The following CHAF1B variants were observed in gnomAD, a reference collection of about 807,000 sequenced individuals.
The protein encoded by CHAF1B is CAF-1 subunit B.
CHAF1B carries 10 observed loss-of-function variants against 60.7 expected under a neutral mutation model. That is an observed-to-expected ratio of 0.16 (90% CI 0.10 to 0.28). The LOEUF (loss-of-function observed/expected upper bound fraction) is 0.28, where lower values mean the gene tolerates loss of function less well. Ranked by LOEUF, CHAF1B falls within the 10% of genes least tolerant of loss-of-function variation. The pLI is 1.00. For synonymous variants in CHAF1B, 261 were observed against 266.1 expected (o/e 0.98, Z 0.19); for missense variants, 558 against 708.4 (o/e 0.79, Z 2.41).
chr21:36,399,905 G>A (rs899383800), intron 7 of CHAF1B, among the ~76,000 whole-genome samples: 1 of 152,198 alleles, frequency 6.6e-6, no homozygotes, highest in Admixed American at 6.6e-5. Flanking sequence ...CTGGCCGGGC[G>A]CCGTGGCTCA....
rs1359721458 is a variant in CHAF1B at position 36,413,276 on chromosome 21, C to A, written c.1454C>A (p.Thr485Asn). Residue 485 changes from threonine to asparagine, a missense_variant, in exon 12 of 14, where the codon ACT becomes AAT. Thr to Asn is a moderately conservative substitution (Grantham distance 65, BLOSUM62 0). Coordinates refer to ENST00000314103, the MANE Select transcript of CHAF1B (RefSeq NM_005441.3). The stretch of plus-strand genomic sequence containing the variant: ...AAAGCCCACCCATCCCGGAGGGTCA[C>A]TCTGAACACACTGCAAGCCTGGAGC... ...NTKAHPSRRV[T>N]LNTLQAWSKT... 6.2e-7 allele frequency: 1 copy of A among 1,609,184 alleles called. No homozygotes were observed. Among genetic ancestry groups the A allele is most frequent in the African/African-American group, 1.3e-5 (1 of 74,756 alleles).
At chr21:36,385,552 T>G (rs1339582314) in intron 1 of CHAF1B, 101 bp downstream of exon 1, 1 of 151,278 alleles carries the variant, frequency 6.6e-6, no homozygotes, top group African/African-American at 2.4e-5. Flanking sequence ...CCGGGATAGC[T>G]CCGGAGCGGC....
intron 9 of CHAF1B, 142 bp from the exon 10 acceptor site, chr21:36,409,232 C>T: frequency 1.7e-6 from 1 of 588,984 alleles, no homozygotes; most frequent in South Asian, 2.0e-5. Flanking sequence ...AACTCCTGAC[C>T]TCAGGTGATC....
At chr21:36,409,951 T>G (rs2086264841) in intron 10 of CHAF1B, among the ~76,000 whole-genome samples, 1 of 151,856 alleles carries the variant, frequency 6.6e-6, no homozygotes, top group Non-Finnish European at 1.5e-5. Context: ...TGTCTCTCAT[T>G]ATCAATTTTC....
At chr21:36,401,350 A>G (rs2086186851) in intron 7 of CHAF1B, among the ~76,000 whole-genome samples, 2 of 142,206 alleles carry the variant, frequency 1.4e-5, no homozygotes, top group Non-Finnish European at 3.0e-5. Context: ...TATATTATAT[A>G]TAATATATTT....
intron 7 of CHAF1B, among the ~76,000 whole-genome samples, chr21:36,400,197 AGGCTG>A (rs2086175796): frequency 6.6e-6 from 1 of 151,376 alleles, no homozygotes; most frequent in Non-Finnish European, 1.5e-5. Context: ...AAATGAAATA[AGGCTG>A]GGCATGATGG....
chr21:36,414,064 G>C (rs1429439456), intron 12 of CHAF1B, among the ~76,000 whole-genome samples: 3 of 152,166 alleles, frequency 2.0e-5, no homozygotes, highest in Non-Finnish European at 2.9e-5. Flanking sequence ...AGTGTGGCTG[G>C]CACGCACGCC....
At chr21:36,407,336 T>G (rs2086246224) in intron 8 of CHAF1B, among the ~76,000 whole-genome samples, 1 of 151,872 alleles carries the variant, frequency 6.6e-6, no homozygotes, top group African/African-American at 2.4e-5. Flanking sequence ...TCAAGGATGC[T>G]TATTGCAAGC....
chr21:36,414,761 G>A (rs551977010), intron 12 of CHAF1B, among the ~76,000 whole-genome samples: 9 of 152,138 alleles, frequency 5.9e-5, no homozygotes, highest in Non-Finnish European at 1.3e-4. Flanking sequence ...ACAGGCATGC[G>A]CCACCATGCC....
intron 5 of CHAF1B, among the ~76,000 whole-genome samples, chr21:36,395,337 C>T (rs1413285359): frequency 6.6e-6 from 1 of 152,206 alleles, no homozygotes; most frequent in Non-Finnish European, 1.5e-5. Context: ...CATGAGCCAC[C>T]ACACCCGGCC....
At chr21:36,397,922 T>C (rs1006609600) in intron 6 of CHAF1B, 2 of 152,598 alleles carry the variant, frequency 1.3e-5, no homozygotes, top group Admixed American at 6.6e-5. Context: ...GAGACAGGGT[T>C]TCACCACGTT....
intron 7 of CHAF1B, among the ~76,000 whole-genome samples, chr21:36,399,945 G>T (rs532541754): frequency 5.9e-5 from 9 of 152,342 alleles, no homozygotes; most frequent in African/African-American, 1.4e-4. Context: ...TTGGGAGACT[G>T]AGGTGGGCGG....
chr21:36,411,134 GAC>G (rs2086275198), intron 10 of CHAF1B, among the ~76,000 whole-genome samples: 1 of 133,132 alleles, frequency 7.5e-6, no homozygotes, highest in Non-Finnish European at 1.6e-5. Context: ...TTTTTTTTGT[GAC>G]AGAGTCTTCC....
intron 4 of CHAF1B, among the ~76,000 whole-genome samples, chr21:36,394,252 A>C (rs2086119350): frequency 6.6e-6 from 1 of 151,572 alleles, no homozygotes; most frequent in Non-Finnish European, 1.5e-5. Flanking sequence ...AATTTTTTGT[A>C]TTTTAGTAGA....
At chr21:36,385,906 A>T (rs2086027620) in intron 1 of CHAF1B, among the ~76,000 whole-genome samples, 154 bp from the exon 2 acceptor site, 1 of 152,216 alleles carries the variant, frequency 6.6e-6, no homozygotes, top group Non-Finnish European at 1.5e-5. Context: ...GGACCCAGCG[A>T]AGCATTTTAG....
intron 8 of CHAF1B, among the ~76,000 whole-genome samples, chr21:36,408,337 G>A (rs780871054): frequency 2.6e-5 from 4 of 152,158 alleles, no homozygotes; most frequent in Non-Finnish European, 4.4e-5. Context: ...GGGGAAAGGC[G>A]AGTCTCAGCC....
chr21:36,388,774 G>C (rs1003635689), intron 3 of CHAF1B: 2 of 152,098 alleles, frequency 1.3e-5, no homozygotes, highest in African/African-American at 2.4e-5. Flanking sequence ...GGCTATTTGG[G>C]CATGAATTCT....
In CHAF1B at chr21:36,413,053, C is replaced by A. The variant is rs771625691; in HGVS notation, c.1231C>A (p.Pro411Thr). 6.2e-7 allele frequency: 1 copy of A among 1,614,180 alleles called. No homozygotes were observed. The highest frequency in any genetic ancestry group is 8.5e-7 in the Non-Finnish European group (1 of 1,180,036). Residue 411 changes from proline (P) to threonine (T), a missense_variant, in exon 12 of 14, where the codon CCA becomes ACA. This residue lies in a region of CHAF1B where 233 missense variants were observed against 214.9 expected (regional missense o/e 1.08). Coordinates refer to ENST00000314103, the MANE Select transcript of CHAF1B (RefSeq NM_005441.3). ...GAGTCAGACACATCGAGGGTCTTCG[C>A]CAGGACCCAGACCGGTAGAGGGAAC... is the stretch of plus-strand genomic sequence containing the variant. ...TKSQTHRGSS[P>T]GPRPVEGTPA...
intron 4 of CHAF1B, among the ~76,000 whole-genome samples, chr21:36,394,315 T>C (rs1166729537): frequency 6.6e-6 from 1 of 152,140 alleles, no homozygotes; most frequent in Non-Finnish European, 1.5e-5. Flanking sequence ...GACCTTGTGA[T>C]CTGCCTGCCT....
Sources: allele counts gnomAD v4.1 joint callset (sites outside exome capture counted in the v4.1 genomes callset), GRCh38; gene constraint gnomAD v4.1.1; regional missense constraint gnomAD v4.1.1; transcripts MANE v1.5; gene names NCBI Gene and HGNC (gene_info 2026-07-23, HGNC 2026-07-21).